Variants in IL1RAPL1 observed in about 807,000 individuals in gnomAD.
The protein encoded by IL1RAPL1 is interleukin 1 receptor accessory protein like 1.
IL1RAPL1 carries 3 observed loss-of-function variants against 48.4 expected under a neutral mutation model. The observed-to-expected ratio is 0.06, with a 90% confidence interval of 0.03 to 0.16. The LOEUF (loss-of-function observed/expected upper bound fraction) is 0.16, where lower values mean the gene tolerates loss of function less well. IL1RAPL1 is among the 10% of genes least tolerant of loss of function. The probability of loss-of-function intolerance (pLI) is 1.00; values close to 1 mark genes in which losing one functional copy is unlikely to be tolerated. For missense variants in IL1RAPL1, 349 were observed against 530.6 expected, an observed-to-expected ratio of 0.66 and a Z score of 3.36; for synonymous variants, 185 against 187.7, an observed-to-expected ratio of 0.99 and a Z score of 0.12.
At chrX:29,090,863 A>G (rs1276025665) in intron 2 of IL1RAPL1, among the ~76,000 whole-genome samples, 1 of 112,510 alleles carries the variant, frequency 8.9e-6, no homozygotes, top group Non-Finnish European at 1.9e-5. Flanking sequence ...TGAAAAAGCA[A>G]CTCAAAACCA....
chrX:28,942,177 A>T (rs1398914568), intron 2 of IL1RAPL1: 6 of 109,959 alleles, frequency 5.5e-5, no homozygotes, highest in Non-Finnish European at 1.1e-4. Context: ...TAAGTGTTCA[A>T]TCAGTCTGGA....
intron 2 of IL1RAPL1, among the ~76,000 whole-genome samples, chrX:28,952,077 A>C (rs190534433): frequency 1.5e-3 from 169 of 111,193 alleles, no homozygotes; most frequent in Non-Finnish European, 2.9e-3. Context: ...TACAATAAAT[A>C]GGTACCGTAG....
chrX:29,598,116 A>T (rs191761478), intron 5 of IL1RAPL1, among the ~76,000 whole-genome samples: 13 of 111,554 alleles, frequency 1.2e-4, no homozygotes, highest in Admixed American at 6.7e-4. Flanking sequence ...GTGTGACCTT[A>T]GATTGTCTGT....
intron 2 of IL1RAPL1, among the ~76,000 whole-genome samples, chrX:28,869,036 A>G (rs945861344): frequency 1.8e-5 from 2 of 112,751 alleles, no homozygotes; most frequent in African/African-American, 3.2e-5. Flanking sequence ...TTGCAGTGCT[A>G]TCACTATGAG....
At chrX:29,482,605 A>G (rs914531149) in intron 5 of IL1RAPL1, among the ~76,000 whole-genome samples, 8 of 112,574 alleles carry the variant, frequency 7.1e-5, no homozygotes, top group African/African-American at 2.3e-4. Flanking sequence ...CTCATCAGTA[A>G]ATACACATCT....
intron 2 of IL1RAPL1, among the ~76,000 whole-genome samples, chrX:29,133,400 A>G (rs1056736814): frequency 8.9e-6 from 1 of 112,215 alleles, no homozygotes; most frequent in Non-Finnish European, 1.9e-5. Flanking sequence ...GAAGTGAAAT[A>G]ACAAACCACT....
chrX:29,519,681 T>C (rs1441244185), intron 5 of IL1RAPL1, among the ~76,000 whole-genome samples: 1 of 111,567 alleles, frequency 9.0e-6, no homozygotes, highest in Non-Finnish European at 1.9e-5. Context: ...CTGCCATAGC[T>C]TGTTAAAGGT....
chrX:29,668,414 T>G lies in IL1RAPL1; in HGVS notation c.704-16T>G. On this transcript the variant is annotated splice_polypyrimidine_tract_variant and intron_variant, in intron 5 of 10. Transcript: ENST00000378993. Reference sequence around the variant, plus strand: ...TAACTATAAGTCTCTGTATTATTATTGTTGTTGTTTTTCAGCCCCTCTGAC... The same window carrying G: ...TAACTATAAGTCTCTGTATTATTATGGTTGTTGTTTTTCAGCCCCTCTGAC... 8.6e-7 allele frequency: 1 copy of G among 1,169,173 alleles called. No homozygotes were observed. The highest frequency in any genetic ancestry group is 1.2e-6 in the Non-Finnish European group (1 of 856,821).
intron 6 of IL1RAPL1, among the ~76,000 whole-genome samples, chrX:29,863,591 TA>T (rs1442645362): frequency 9.0e-6 from 1 of 111,095 alleles, no homozygotes; most frequent in Non-Finnish European, 1.9e-5. Context: ...TGTGGATAAA[TA>T]AAAAAGGGTT....
At chrX:29,725,745 A>G (rs1200526219) in intron 6 of IL1RAPL1, among the ~76,000 whole-genome samples, 1 of 112,131 alleles carries the variant, frequency 8.9e-6, no homozygotes. Flanking sequence ...ATCTATATCC[A>G]TATCTGTGTC....
intron 6 of IL1RAPL1, among the ~76,000 whole-genome samples, chrX:29,804,297 G>T (rs1038823764): frequency 9.0e-6 from 1 of 111,035 alleles, no homozygotes; most frequent in African/African-American, 3.3e-5. Context: ...GGTGGGTCAG[G>T]GAAAACATTA....
intron 2 of IL1RAPL1, among the ~76,000 whole-genome samples, chrX:29,250,302 A>G (rs1931583075): frequency 8.9e-6 from 1 of 112,501 alleles, no homozygotes; most frequent in Admixed American, 9.4e-5. Flanking sequence ...CTAAATAATT[A>G]AAGATATTTG....
intron 6 of IL1RAPL1, among the ~76,000 whole-genome samples, chrX:29,808,079 A>T (rs940931187): frequency 2.7e-5 from 3 of 112,053 alleles, no homozygotes; most frequent in Non-Finnish European, 5.6e-5. Flanking sequence ...TCTTAGGTTT[A>T]ATAATTTGTA....
intron 2 of IL1RAPL1, among the ~76,000 whole-genome samples, chrX:29,029,620 A>C (rs1025250924): frequency 8.9e-6 from 1 of 111,838 alleles, no homozygotes; most frequent in African/African-American, 3.3e-5. Flanking sequence ...GCTGATGTCC[A>C]TCTTTGTGTA....
At chrX:28,885,811 T>A (rs1414990379) in intron 2 of IL1RAPL1, among the ~76,000 whole-genome samples, 2 of 111,346 alleles carry the variant, frequency 1.8e-5, no homozygotes, top group South Asian at 3.7e-4. Context: ...AAGATAGCAT[T>A]TGAACTACAT....
intron 1 of IL1RAPL1, among the ~76,000 whole-genome samples, chrX:28,590,125 A>G (rs1601826895): frequency 4.5e-5 from 5 of 111,489 alleles, no homozygotes. Context: ...TTTAAAGAAG[A>G]TACACATCAG....
chrX:29,796,633 G>T (rs770817762), intron 6 of IL1RAPL1, among the ~76,000 whole-genome samples: 31 of 111,899 alleles, frequency 2.8e-4, no homozygotes, highest in Non-Finnish European at 5.6e-4. Flanking sequence ...TTATATTTTA[G>T]GCCTCCTTTC....
intron 1 of IL1RAPL1, among the ~76,000 whole-genome samples, chrX:28,753,231 A>G: frequency 1.8e-5 from 2 of 112,237 alleles, no homozygotes; most frequent in Middle Eastern, 9.2e-3. Context: ...TATAGAAAAA[A>G]GTTGCTGACC....
intron 1 of IL1RAPL1, among the ~76,000 whole-genome samples, chrX:28,682,378 G>A (rs1935071154): frequency 1.8e-5 from 2 of 110,330 alleles, no homozygotes; most frequent in South Asian, 3.9e-4. Flanking sequence ...GCATGACCTC[G>A]GCTCACTGCA....
Sources: allele counts gnomAD v4.1 joint callset (sites outside exome capture counted in the v4.1 genomes callset), GRCh38; gene constraint gnomAD v4.1.1; transcripts MANE v1.5; gene names NCBI Gene and HGNC (gene_info 2026-07-23, HGNC 2026-07-21).